Variants in SNX10 observed in about 807,000 individuals in gnomAD.
SNX10 encodes the protein sorting nexin 10.
Under a neutral mutation model 28.5 loss-of-function variants are expected in SNX10, and 25 were observed. The ratio of observed to expected loss-of-function variants is 0.88; its 90% CI spans 0.64 to 1.22. The LOEUF is 1.22. Ranked by LOEUF, SNX10 falls within the 50% of genes most tolerant of loss-of-function variation. The pLI, the probability that SNX10 is intolerant of heterozygous loss-of-function variation, is 0.00. For missense variants in SNX10, 223 were observed against 242.6 expected (o/e 0.92, Z 0.54); for synonymous variants, 62 against 81.4 (o/e 0.76, Z 1.28).
intron 1 of SNX10, among the ~76,000 whole-genome samples, chr7:26,329,463 C>T (rs1787640275): frequency 6.6e-6 from 1 of 152,196 alleles, no homozygotes; most frequent in South Asian, 2.1e-4. Context: ...AAACATCACC[C>T]AGTTTTGTTT....
intron 1 of SNX10, among the ~76,000 whole-genome samples, chr7:26,305,967 T>C (rs1786573701): frequency 6.6e-6 from 1 of 152,162 alleles, no homozygotes; most frequent in Admixed American, 6.6e-5. Flanking sequence ...CAATCGTGGG[T>C]CACTGCAACC....
intron 1 of SNX10, among the ~76,000 whole-genome samples, chr7:26,299,251 G>T (rs754821443): frequency 3.3e-5 from 5 of 151,828 alleles, no homozygotes; most frequent in Non-Finnish European, 7.4e-5. Flanking sequence ...GCTGGAGTGC[G>T]GTGGTGCGAT....
chr7:26,327,204 G>A (rs1175944673), intron 1 of SNX10, among the ~76,000 whole-genome samples: 1 of 152,162 alleles, frequency 6.6e-6, no homozygotes, highest in Non-Finnish European at 1.5e-5. Flanking sequence ...ACCTGCCTTA[G>A]CTTCCCAAAG....
At chr7:26,360,856 A>T in intron 2 of SNX10, 119 bp from the exon 3 acceptor site, 1 of 1,503,174 alleles carries the variant, frequency 6.7e-7, no homozygotes, top group South Asian at 1.3e-5. Flanking sequence ...AAAGGATTAC[A>T]AGTACCACAT....
chr7:26,339,341 A>T (rs1380459226), intron 1 of SNX10, among the ~76,000 whole-genome samples: 3 of 152,080 alleles, frequency 2.0e-5, no homozygotes, highest in African/African-American at 7.2e-5. Flanking sequence ...TGATCCTCCC[A>T]CCTCAGCATC....
chr7:26,360,213 T>G (rs544894744), intron 2 of SNX10, among the ~76,000 whole-genome samples: 6 of 152,320 alleles, frequency 3.9e-5, no homozygotes, highest in African/African-American at 1.2e-4. Flanking sequence ...AAAGTCAACT[T>G]CAACCCTCTT....
At chr7:26,338,740 G>A (rs1157739172) in intron 1 of SNX10, among the ~76,000 whole-genome samples, 1 of 152,122 alleles carries the variant, frequency 6.6e-6, no homozygotes, top group Non-Finnish European at 1.5e-5. Context: ...GCGGGTAGGA[G>A]CTTAGGAAGT....
chr7:26,319,577 A>G (rs944900414), intron 1 of SNX10, among the ~76,000 whole-genome samples: 4 of 152,190 alleles, frequency 2.6e-5, no homozygotes, highest in Non-Finnish European at 5.9e-5. Context: ...ATCATTACAA[A>G]CATATTGGTC....
In SNX10 at chr7:26,346,104, G is replaced by A. The variant is rs141607949; in HGVS notation, c.-23-316G>A. 6.0e-3 allele frequency among the ~76,000 whole-genome samples: 917 copies of A among 152,232 alleles called. 6 individuals are homozygous for A. Among genetic ancestry groups the A allele is most frequent in the Non-Finnish European group, 0.01 (692 of 68,016 alleles). On this transcript the variant is annotated intron_variant, in intron 1 of 6. Transcript: ENST00000338523. The stretch of plus-strand genomic sequence containing the variant: ...CCCCCGCACATGGCTTCTGCTCCCC[G>A]GCATCTCCAGCTTCCTCGCCAATTC...
chr7:26,349,942 C>T (rs1054935943), intron 2 of SNX10, among the ~76,000 whole-genome samples: 4 of 152,208 alleles, frequency 2.6e-5, no homozygotes, highest in South Asian at 4.1e-4. Context: ...CTTGCCCAAG[C>T]GCCTGCTCCC....
chr7:26,360,027 T>C (rs1175125883), intron 2 of SNX10, among the ~76,000 whole-genome samples: 2 of 152,234 alleles, frequency 1.3e-5, no homozygotes, highest in African/African-American at 4.8e-5. Flanking sequence ...ATCTACTGTA[T>C]ATGATTTTTA....
intron 1 of SNX10, among the ~76,000 whole-genome samples, chr7:26,329,737 G>A (rs1452063248): frequency 1.3e-5 from 2 of 152,206 alleles, no homozygotes; most frequent in Admixed American, 1.3e-4. Flanking sequence ...AAGGGAGGAG[G>A]ATGCAAACTA....
intron 1 of SNX10, among the ~76,000 whole-genome samples, chr7:26,298,220 CA>C (rs1005455304): frequency 4.4e-4 from 66 of 150,898 alleles, no homozygotes; most frequent in Non-Finnish European, 7.7e-4. Flanking sequence ...GACTCAGTCT[CA>C]AAAAAAAGGG....
intron 1 of SNX10, among the ~76,000 whole-genome samples, chr7:26,336,179 A>C (rs968673919): frequency 1.3e-5 from 2 of 152,224 alleles, no homozygotes; most frequent in Admixed American, 1.3e-4. Context: ...TAATAAAAGT[A>C]ACTGAGCACA....
intron 3 of SNX10, among the ~76,000 whole-genome samples, chr7:26,361,853 A>C (rs377425880): frequency 3.9e-5 from 6 of 152,344 alleles, no homozygotes; most frequent in African/African-American, 1.2e-4. Flanking sequence ...GCTGTAGTTT[A>C]TTGGCCCCGA....
At chr7:26,358,530 A>C (rs921441132) in intron 2 of SNX10, among the ~76,000 whole-genome samples, 2 of 152,086 alleles carry the variant, frequency 1.3e-5, no homozygotes. Context: ...GCTTGAGCCT[A>C]GGAGTTCAGA....
At chr7:26,359,136 A>G (rs1037028405) in intron 2 of SNX10, among the ~76,000 whole-genome samples, 1 of 152,116 alleles carries the variant, frequency 6.6e-6, no homozygotes, top group Non-Finnish European at 1.5e-5. Context: ...GATTTTAAAA[A>G]TACACAATGA....
At chr7:26,350,622 C>G (rs1227035129) in intron 2 of SNX10, among the ~76,000 whole-genome samples, 1 of 152,104 alleles carries the variant, frequency 6.6e-6, no homozygotes, top group African/African-American at 2.4e-5. Flanking sequence ...TTTTCTCACT[C>G]CCCAAAACCT....
Position 26,296,382 on chromosome 7 carries a change from G to A in SNX10, c.-24+4296G>A, listed in dbSNP as rs117857599. On this transcript the variant is annotated intron_variant, in intron 1 of 6. Transcript: ENST00000338523. ...AGCTTGGGCAAAAGCTGGGTGTGGC[G>A]GCACACACCTGTAGTCCTAGCTTCT... Among the ~76,000 whole-genome samples the A allele has an allele frequency of 9.3e-3, 1,417 of 152,058 alleles. 9 individuals carry two copies. Among genetic ancestry groups the A allele is most frequent in the Middle Eastern group, 0.014 (4 of 294 alleles).
Sources: gnomAD v4.1 joint callset for allele counts (sites outside exome capture counted in the v4.1 genomes callset) on GRCh38, gnomAD v4.1.1 for gene constraint, MANE v1.5 for transcripts, NCBI Gene and HGNC (gene_info 2026-07-23, HGNC 2026-07-21) for gene names.